Variants in APCDD1L observed in about 807,000 individuals in gnomAD.
APCDD1L encodes protein APCDD1-like.
APCDD1L carries 21 observed loss-of-function variants against 24.2 expected under a neutral mutation model. The observed-to-expected ratio is 0.87, with a 90% CI of 0.61 to 1.25. The LOEUF is 1.25. Ranked by LOEUF, APCDD1L falls within the 50% of genes most tolerant of loss-of-function variation. The pLI, the probability that APCDD1L is intolerant of heterozygous loss-of-function variation, is 0.00. For missense variants in APCDD1L, 704 were observed against 711.7 expected, an observed-to-expected ratio of 0.99 and a Z score of 0.12; for synonymous variants, 321 against 323.6, an observed-to-expected ratio of 0.99 and a Z score of 0.09.
intron 2 of APCDD1L, among the ~76,000 whole-genome samples, 190 bp downstream of exon 2, chr20:58,470,419 G>C (rs1314919402): frequency 6.6e-6 from 1 of 152,238 alleles, no homozygotes; most frequent in Admixed American, 6.5e-5. Context: ...CCATGGACGT[G>C]ATGCCCAACA....
Position 58,461,132 on chromosome 20 carries a change from G to A in APCDD1L, c.1164C>T (p.Gly388=). The change falls in exon 4 of 4, where the codon GGC becomes GGT. Residue 388 remains glycine (G), a synonymous_variant. Coordinates refer to ENST00000371149, the MANE Select transcript of APCDD1L (RefSeq NM_153360.3). This position sits in a 1 kb window ranked among gnomAD's most constrained non-coding sequence, Gnocchi z 6.0. ...SCGGAGAWSM[G]TERDVTATNG... is the part of the protein sequence containing the mutation. ...TGGTGGCTGTGACATCCCGCTCAGT[G>A]CCCATGGACCAGGCCCCCGCACCCC... The A allele has an allele frequency of 6.2e-7, 1 of 1,613,544 alleles. No individual in the cohort carries two copies. Among genetic ancestry groups the A allele is most frequent in the Admixed American group, 1.7e-5 (1 of 60,010 alleles).
chr20:58,478,570 TTGTTG>T (rs1246075794), intron 1 of APCDD1L, among the ~76,000 whole-genome samples: 3 of 152,116 alleles, frequency 2.0e-5, no homozygotes, highest in Admixed American at 6.5e-5. Flanking sequence ...CAATACATAT[TTGTTG>T]TGTTAAGTCA....
At chr20:58,468,770 G>T (rs1446236732) in intron 2 of APCDD1L, among the ~76,000 whole-genome samples, 1 of 152,114 alleles carries the variant, frequency 6.6e-6, no homozygotes, top group East Asian at 1.9e-4. Flanking sequence ...GTTTCGTCAT[G>T]TTGGCCAGGC....
chr20:58,494,379 A>G lies in APCDD1L; in HGVS notation c.49+20280T>C, dbSNP rs59232054. On this transcript the variant is annotated intron_variant, in intron 1 of 3. Coordinates refer to ENST00000371149, the MANE Select transcript of APCDD1L (RefSeq NM_153360.3). The surrounding 1 kb of genome is among the most constrained non-coding windows in gnomAD (Gnocchi z 4.8). ...TTGAGTCAGGGTTTCATTCTGTCGC[A>G]TAGGCTAGAGTACAATGGGATCGGC... Among the ~76,000 whole-genome samples, 28,373 of 150,100 alleles carry G rather than the reference A, an allele frequency of 0.19. 2,970 individuals are homozygous for G. The highest frequency in any genetic ancestry group is 0.29 in the Middle Eastern group (83 of 286).
At chr20:58,468,053 T>TG (rs1265456593) in intron 2 of APCDD1L, among the ~76,000 whole-genome samples, 1 of 152,116 alleles carries the variant, frequency 6.6e-6, no homozygotes, top group Non-Finnish European at 1.5e-5. Context: ...GCTGAGTGAA[T>TG]GGAGGCCCGT....
rs549658978 is a variant in APCDD1L at position 58,467,006 on chromosome 20, C to T, written c.741+100G>A. 6 of 1,430,636 alleles carry T rather than the reference C, an allele frequency of 4.2e-6. No individual in the cohort carries two copies. In the African/African-American group the frequency reaches 8.9e-5, roughly 21 times the overall value. 88.6% of individuals were successfully genotyped at this position (1,430,636 alleles called of 1,614,324 possible). A position where few individuals can be genotyped will look rare whatever the true frequency, so the allele number is the denominator to read the frequency against. On this transcript the variant is annotated intron_variant, in intron 3 of 3. Transcript: ENST00000371149. The surrounding 1 kb of genome is among the most constrained non-coding windows in gnomAD (Gnocchi z 5.9). ...TGATGACAGCCGGGCAGCCAGAGCC[C>T]TGGGCAGGCCCAGGTCTTGCAAAGC...
intron 1 of APCDD1L, among the ~76,000 whole-genome samples, chr20:58,501,859 C>A (rs1990443143): frequency 6.6e-6 from 1 of 152,214 alleles, no homozygotes; most frequent in African/African-American, 2.4e-5. Flanking sequence ...GCCTGCTCAT[C>A]CTGTCCTCTT....
In APCDD1L at chr20:58,479,700, C is replaced by T. The variant is rs1989988482; in HGVS notation, c.50-8953G>A. 2.0e-5 allele frequency among the ~76,000 whole-genome samples: 3 copies of T among 148,278 alleles called. No individual in the cohort carries two copies. The South Asian group carries it at 6.6e-4, about 32-fold the overall frequency. On this transcript the variant is annotated intron_variant, in intron 1 of 3. Transcript: ENST00000371149. ...AAAGTTTGGACTTGGAGGAAGCTTA[C>T]ACATATTTTAAATAAAAATTTCAGC...
chr20:58,477,513 T>C (rs1425208866), intron 1 of APCDD1L, among the ~76,000 whole-genome samples: 1 of 152,210 alleles, frequency 6.6e-6, no homozygotes, highest in African/African-American at 2.4e-5. Context: ...AGGCACACCA[T>C]GGCAATCATG....
chr20:58,461,441 G>A lies in APCDD1L; in HGVS notation c.855C>T (p.Val285=), dbSNP rs1338699194. The change falls in exon 4 of 4, where the codon GTC becomes GTT. Residue 285 remains valine, a synonymous_variant. Transcript: ENST00000371149. The surrounding 1 kb of genome is among the most constrained non-coding windows in gnomAD (Gnocchi z 6.0). The part of the protein sequence containing the change: ...ALPLHLGGWW[V]SSGCEVRPAV... ...CTGGGCGCACCTCGCACCCCGAGCT[G>A]ACCCACCAGCCGCCCAGGTGCAGGG... 3.3e-6 allele frequency: 5 copies of A among 1,511,274 alleles called. No individual in the cohort carries two copies. Among genetic ancestry groups the A allele is most frequent in the Non-Finnish European group, 4.4e-6 (5 of 1,127,314 alleles). 93.6% of individuals were successfully genotyped at this position (1,511,274 alleles called of 1,614,324 possible). A position where few individuals can be genotyped will look rare whatever the true frequency, so the allele number is the denominator to read the frequency against.
At chr20:58,501,818 G>A (rs1990442322) in intron 1 of APCDD1L, among the ~76,000 whole-genome samples, 1 of 152,148 alleles carries the variant, frequency 6.6e-6, no homozygotes, top group Non-Finnish European at 1.5e-5. Context: ...GCTTTCCAAA[G>A]CCCTTAAGCT....
intron 1 of APCDD1L, among the ~76,000 whole-genome samples, chr20:58,471,114 T>G (rs1001331474): frequency 1.3e-5 from 2 of 152,200 alleles, no homozygotes; most frequent in African/African-American, 2.4e-5. Context: ...GGCTGAGTCC[T>G]GCCTGCTGGT....
intron 2 of APCDD1L, among the ~76,000 whole-genome samples, chr20:58,468,163 G>C (rs1805145143): frequency 6.6e-6 from 1 of 152,166 alleles, no homozygotes; most frequent in Non-Finnish European, 1.5e-5. Context: ...AACTTTTTCT[G>C]TAAAGGGCTG....
At chr20:58,469,078 AT>A (rs1456738926) in intron 2 of APCDD1L, among the ~76,000 whole-genome samples, 1 of 152,156 alleles carries the variant, frequency 6.6e-6, no homozygotes, top group Non-Finnish European at 1.5e-5. Context: ...CAGAGGATTT[AT>A]GTTGTTTTGT....
At chr20:58,465,123 C>G (rs1023178628) in intron 3 of APCDD1L, among the ~76,000 whole-genome samples, 1 of 152,178 alleles carries the variant, frequency 6.6e-6, no homozygotes, top group Non-Finnish European at 1.5e-5. Context: ...GAGCAGTTTC[C>G]CCTCCTAATG....
intron 1 of APCDD1L, among the ~76,000 whole-genome samples, chr20:58,474,800 G>A (rs1032233258): frequency 3.7e-4 from 56 of 152,144 alleles, no homozygotes; most frequent in African/African-American, 1.1e-3. Context: ...TCACAATACC[G>A]TGCAAACACC....
chr20:58,490,313 G>T (rs926459407), intron 1 of APCDD1L, among the ~76,000 whole-genome samples: 1 of 152,054 alleles, frequency 6.6e-6, no homozygotes, highest in African/African-American at 2.4e-5. Flanking sequence ...CCAGCTTCTG[G>T]TTCTGCACAT....
intron 1 of APCDD1L, 92 bp downstream of exon 1, chr20:58,514,567 T>C (rs1237792756): frequency 2.5e-6 from 3 of 1,197,852 alleles, no homozygotes; most frequent in Admixed American, 4.1e-5. Context: ...CCCAGGGCCG[T>C]AGTCCCCAAG....
Position 58,460,749 on chromosome 20 carries a change from A to G in APCDD1L, c.*41T>C. On this transcript the variant is annotated 3_prime_UTR_variant, in exon 4 of 4. Coordinates refer to ENST00000371149, the MANE Select transcript of APCDD1L (RefSeq NM_153360.3). The surrounding 1 kb of genome is among the most constrained non-coding windows in gnomAD (Gnocchi z 4.2). ...TGCCAGGAGGGAGTCTGAAGGGTTGAATGGGTGTCCAGAGCCGCCATCCTG... is the reference window on the plus strand; with the variant it reads ...TGCCAGGAGGGAGTCTGAAGGGTTGGATGGGTGTCCAGAGCCGCCATCCTG... 6.6e-7 allele frequency: 1 copy of G among 1,507,506 alleles called. No homozygotes were observed. The highest frequency in any genetic ancestry group is 8.9e-7 in the Non-Finnish European group (1 of 1,128,152). 93.4% of individuals were successfully genotyped at this position (1,507,506 alleles called of 1,614,324 possible). A position where few individuals can be genotyped will look rare whatever the true frequency, so the allele number is the denominator to read the frequency against.
Sources: gnomAD v4.1 joint callset for allele counts (sites outside exome capture counted in the v4.1 genomes callset) on GRCh38, gnomAD v4.1.1 for gene constraint, Gnocchi (gnomAD v3.1) non-coding constraint, MANE v1.5 for transcripts, NCBI Gene and HGNC (gene_info 2026-07-23, HGNC 2026-07-21) for gene names.